Variants in MAP7 observed in about 807,000 individuals in gnomAD.
MAP7 encodes microtubule associated protein 7.
A neutral mutation model predicts 94.8 loss-of-function variants in MAP7; 52 were observed. The observed-to-expected ratio is 0.55, with a 90% CI of 0.44 to 0.69. The LOEUF (loss-of-function observed/expected upper bound fraction) is 0.69. MAP7 is among the 30% of genes least tolerant of loss of function. MAP7 has a pLI of 0.00. For missense variants in MAP7, 940 were observed against 964.6 expected (o/e 0.97, Z 0.34); for synonymous variants, 350 against 357.0 (o/e 0.98, Z 0.22).
intron 1 of MAP7, among the ~76,000 whole-genome samples, chr6:136,510,892 G>A (rs1823069243): frequency 6.6e-6 from 1 of 152,008 alleles, no homozygotes; most frequent in Non-Finnish European, 1.5e-5. Flanking sequence ...ACTGCGTATG[G>A]AAACATCTAG....
rs1795963066 is a variant in MAP7, at chr6:136,434,876, A to T, written c.68-13077T>A. ...GGAGGAGAGGCTGACTGAGTGGCCC[A>T]TCAGGGAGCATTCATAGCTGCAGAG... On this transcript the variant is annotated intron_variant, in intron 1 of 17. Coordinates refer to ENST00000354570, the MANE Select transcript of MAP7 (RefSeq NM_003980.6). Among the ~76,000 whole-genome samples the T allele has an allele frequency of 3.9e-5, 6 of 152,242 alleles. No homozygotes were observed. The South Asian group carries it at 1.2e-3, about 31-fold the overall frequency.
At chr6:136,499,425 C>T (rs1461500809) in intron 1 of MAP7, among the ~76,000 whole-genome samples, 2 of 152,080 alleles carry the variant, frequency 1.3e-5, no homozygotes, top group African/African-American at 4.8e-5. Context: ...CACCATTTTA[C>T]AGGGTTTGAG....
chr6:136,515,630 G>C (rs1407513029), intron 1 of MAP7, among the ~76,000 whole-genome samples: 1 of 152,214 alleles, frequency 6.6e-6, no homozygotes, highest in African/African-American at 2.4e-5. Flanking sequence ...TGAGGAGAGG[G>C]AGAGAGACAG....
chr6:136,480,476 A>G (rs1812398775), intron 1 of MAP7, among the ~76,000 whole-genome samples: 1 of 151,980 alleles, frequency 6.6e-6, no homozygotes, highest in Admixed American at 6.6e-5. Flanking sequence ...CCCCATCTCT[A>G]CTAAAAATAC....
chr6:136,425,089 T>C (rs1389737136), intron 1 of MAP7, among the ~76,000 whole-genome samples: 1 of 152,210 alleles, frequency 6.6e-6, no homozygotes, highest in Non-Finnish European at 1.5e-5. Context: ...GACTGACAGG[T>C]GTGCAGCGAC....
intron 1 of MAP7, among the ~76,000 whole-genome samples, chr6:136,465,397 A>G (rs1806661579): frequency 6.6e-6 from 1 of 152,206 alleles, no homozygotes; most frequent in Admixed American, 6.5e-5. Flanking sequence ...TCACATTCAA[A>G]TAATAATGAA....
intron 8 of MAP7, among the ~76,000 whole-genome samples, chr6:136,369,254 T>C (rs1795022624): frequency 6.6e-6 from 1 of 152,190 alleles, no homozygotes; most frequent in Non-Finnish European, 1.5e-5. Flanking sequence ...TGATCAGTAC[T>C]GTGTGGTAAT....
intron 3 of MAP7, among the ~76,000 whole-genome samples, chr6:136,399,158 T>TCA (rs1349574422): frequency 6.6e-6 from 1 of 152,296 alleles, no homozygotes; most frequent in Middle Eastern, 3.4e-3. Flanking sequence ...GATGAGAACA[T>TCA]CTGAGTTTGG....
intron 1 of MAP7, among the ~76,000 whole-genome samples, chr6:136,474,163 C>G (rs1810048591): frequency 6.6e-6 from 1 of 152,072 alleles, no homozygotes; most frequent in South Asian, 2.1e-4. Flanking sequence ...AAGAAAGTCA[C>G]TCTGGGTTAA....
At chr6:136,396,533 G>C (rs1782553278) in intron 3 of MAP7, among the ~76,000 whole-genome samples, 1 of 152,094 alleles carries the variant, frequency 6.6e-6, no homozygotes, top group Non-Finnish European at 1.5e-5. Context: ...TTCCAATTTA[G>C]ATGGTCTTTA....
intron 1 of MAP7, among the ~76,000 whole-genome samples, chr6:136,456,744 A>AAGGAGGAGGAGGAGGAGGAGG (rs1238757592): frequency 8.9e-5 from 6 of 67,434 alleles, no homozygotes; most frequent in African/African-American, 3.8e-4. Context: ...GGAAGAGGAG[A>AAGGAGGAGGAGGAGGAGGAGG]AGGAGGAGGA....
intron 1 of MAP7, among the ~76,000 whole-genome samples, chr6:136,456,820 A>AAGG (rs1803253505): frequency 1.1e-5 from 1 of 87,248 alleles, no homozygotes; most frequent in Non-Finnish European, 2.3e-5. Flanking sequence ...GAAGAAGAAG[A>AAGG]AGGAAGAAGA....
At chr6:136,437,764 A>C (rs1334356397) in intron 1 of MAP7, among the ~76,000 whole-genome samples, 2 of 152,206 alleles carry the variant, frequency 1.3e-5, no homozygotes, top group Non-Finnish European at 2.9e-5. Context: ...GGAAAAAAAA[A>C]ATCTTCACCC....
chr6:136,523,763 T>C (rs961204310), intron 1 of MAP7, among the ~76,000 whole-genome samples: 1 of 151,880 alleles, frequency 6.6e-6, no homozygotes, highest in African/African-American at 2.4e-5. Flanking sequence ...GAAAGAAAAA[T>C]GGTAGGGGGT....
chr6:136,423,055 TGAG>T (rs1313909799), intron 1 of MAP7, among the ~76,000 whole-genome samples: 2 of 152,192 alleles, frequency 1.3e-5, no homozygotes, highest in Admixed American at 1.3e-4. Flanking sequence ...AAAGATTAAC[TGAG>T]AAGACACATG....
chr6:136,547,556 TA>T (rs1309785856), intron 1 of MAP7, among the ~76,000 whole-genome samples: 13 of 152,166 alleles, frequency 8.5e-5, no homozygotes, highest in Non-Finnish European at 1.6e-4. Context: ...GGTGATGTCT[TA>T]AACTTGTTTC....
At chr6:136,542,719 T>TAA (rs71765404) in intron 1 of MAP7, among the ~76,000 whole-genome samples, 26 of 145,512 alleles carry the variant, frequency 1.8e-4, no homozygotes, top group East Asian at 9.9e-4. Flanking sequence ...GTGTTAAAAT[T>TAA]AAAAAAAAAA....
At chr6:136,537,788 AT>A (rs59705938) in intron 1 of MAP7, among the ~76,000 whole-genome samples, 17,957 of 144,494 alleles carry the variant, frequency 0.12, 1,120 homozygotes, top group East Asian at 0.16. Flanking sequence ...GAAGTTATGA[AT>A]TTTTTTTTTT....
intron 16 of MAP7, among the ~76,000 whole-genome samples, chr6:136,352,770 C>T (rs563319893): frequency 6.6e-6 from 1 of 152,276 alleles, no homozygotes; most frequent in South Asian, 2.1e-4. Context: ...GGTATGGAAA[C>T]TACAAACAAT....
Sources: allele counts gnomAD v4.1 joint callset (sites outside exome capture counted in the v4.1 genomes callset), GRCh38; gene constraint gnomAD v4.1.1; transcripts MANE v1.5; gene names NCBI Gene and HGNC (gene_info 2026-07-23, HGNC 2026-07-21).